FMN1: variants seen among roughly 807,000 people sequenced by gnomAD.
FMN1 encodes the protein formin-1.
In FMN1, 110 loss-of-function variants were observed where a neutral mutation model predicts 132.4. The observed-to-expected ratio is 0.83, with a 90% CI of 0.71 to 0.97. FMN1 has a LOEUF of 0.97. Among genes scored for constraint, FMN1 ranks in the 50% least tolerant of loss-of-function variants. The pLI is 0.00. For synonymous variants in FMN1, 722 were observed against 651.7 expected, an observed-to-expected ratio of 1.11 and a Z score of -1.64; for missense variants, 1,792 against 1,705.3, an observed-to-expected ratio of 1.05 and a Z score of -0.90.
intron 6 of FMN1, among the ~76,000 whole-genome samples, chr15:33,041,458 T>G: frequency 8.3e-6 from 1 of 121,130 alleles, no homozygotes; most frequent in Non-Finnish European, 1.7e-5. Flanking sequence ...TCTTTCGACG[T>G]TCCTCACCAG....
chr15:32,927,402 C>T (rs1482764224), intron 9 of FMN1, among the ~76,000 whole-genome samples: 1 of 152,062 alleles, frequency 6.6e-6, no homozygotes, highest in Non-Finnish European at 1.5e-5. Flanking sequence ...TAGGTGCAGG[C>T]CACCATGCTT....
At chr15:33,087,499 T>C (rs2038741314) in intron 5 of FMN1, among the ~76,000 whole-genome samples, 1 of 152,132 alleles carries the variant, frequency 6.6e-6, no homozygotes, top group Non-Finnish European at 1.5e-5. Context: ...TGAGCCAAGA[T>C]CGTGCCACTG....
intron 4 of FMN1, among the ~76,000 whole-genome samples, chr15:33,101,217 C>T (rs2039281271): frequency 6.6e-6 from 1 of 152,082 alleles, no homozygotes; most frequent in Admixed American, 6.6e-5. Context: ...CATGTCGAGC[C>T]AAATCTGGCA....
intron 4 of FMN1, among the ~76,000 whole-genome samples, chr15:33,144,697 G>A (rs1478945543): frequency 1.4e-5 from 2 of 146,214 alleles, no homozygotes; most frequent in Middle Eastern, 3.3e-3. Context: ...ATAAAATATC[G>A]ATAAAGATGC....
chr15:32,845,230 C>A (rs552288796), intron 17 of FMN1, among the ~76,000 whole-genome samples: 1 of 152,132 alleles, frequency 6.6e-6, no homozygotes, highest in Non-Finnish European at 1.5e-5. Flanking sequence ...CCAATAATTA[C>A]GTGAGGCAAT....
intron 6 of FMN1, among the ~76,000 whole-genome samples, chr15:33,033,899 T>C (rs2036067481): frequency 6.6e-6 from 1 of 152,172 alleles, no homozygotes; most frequent in African/African-American, 2.4e-5. Flanking sequence ...TGATACACTT[T>C]CCTCACGTAG....
In FMN1 at chr15:32,862,899, C is replaced by A. The variant is rs182988624; in HGVS notation, c.3836-5792G>T. ...TCCCTGTCTGGTTACCTAAGTCTTACCCCACCCTTCCACAGTCCTGCGCCA... is the reference window on the plus strand; with the variant it reads ...TCCCTGTCTGGTTACCTAAGTCTTAACCCACCCTTCCACAGTCCTGCGCCA... On this transcript the variant is annotated intron_variant, in intron 16 of 20. Coordinates refer to ENST00000616417, the MANE Select transcript of FMN1 (RefSeq NM_001277313.2). 1.1e-4 allele frequency among the ~76,000 whole-genome samples: 16 copies of A among 152,284 alleles called. No individual in the cohort carries two copies. In the East Asian group the frequency reaches 3.1e-3, roughly 29 times the overall value.
At chr15:32,839,474 G>A (rs1596054013) in intron 17 of FMN1, among the ~76,000 whole-genome samples, 1 of 151,978 alleles carries the variant, frequency 6.6e-6, no homozygotes, top group Non-Finnish European at 1.5e-5. Context: ...TGAGCACCAG[G>A]GACCTGAAGC....
chr15:33,018,164 C>A (rs1254372557), intron 6 of FMN1, among the ~76,000 whole-genome samples: 3 of 152,094 alleles, frequency 2.0e-5, no homozygotes, highest in African/African-American at 7.2e-5. Flanking sequence ...GTCATGAAGG[C>A]AGAGCCCTTG....
At chr15:32,898,938 C>T (rs1184875117) in intron 14 of FMN1, 45 bp from the exon 15 acceptor site, 2 of 1,297,234 alleles carry the variant, frequency 1.5e-6, no homozygotes, top group Non-Finnish European at 2.2e-6. Context: ...TCCCATGAGA[C>T]TGTCATGTTA....
chr15:33,078,985 G>C (rs777452831), intron 5 of FMN1, among the ~76,000 whole-genome samples: 2 of 151,998 alleles, frequency 1.3e-5, no homozygotes, highest in Non-Finnish European at 2.9e-5. Flanking sequence ...CATCCAAAGG[G>C]GGCCAAAAAC....
chr15:32,828,556 G>T (rs1200933308), intron 17 of FMN1, among the ~76,000 whole-genome samples: 2 of 150,578 alleles, frequency 1.3e-5, no homozygotes, highest in African/African-American at 4.9e-5. Flanking sequence ...ACTCTAGCTT[G>T]GCTGTAAGAG....
chr15:32,830,959 C>T (rs1223738123), intron 17 of FMN1, among the ~76,000 whole-genome samples: 1 of 152,076 alleles, frequency 6.6e-6, no homozygotes, highest in Non-Finnish European at 1.5e-5. Context: ...TCCAAACACC[C>T]CCCACCACTA....
At chr15:32,871,411 C>T (rs570897175) in intron 16 of FMN1, among the ~76,000 whole-genome samples, 32 of 152,226 alleles carry the variant, frequency 2.1e-4, no homozygotes, top group African/African-American at 5.1e-4. Context: ...ATATCATGCA[C>T]ACATTCTCCT....
At chr15:32,801,295 C>T (rs1294589634) in intron 18 of FMN1, among the ~76,000 whole-genome samples, 4 of 151,904 alleles carry the variant, frequency 2.6e-5, no homozygotes, top group Admixed American at 6.6e-5. Flanking sequence ...GCTTACTCTC[C>T]CTGAAAGGGG....
At chr15:32,922,307 TTAA>T (rs1235961782) in intron 10 of FMN1, among the ~76,000 whole-genome samples, 13 of 152,198 alleles carry the variant, frequency 8.5e-5, no homozygotes, top group Admixed American at 4.6e-4. Flanking sequence ...CCTATCTAGT[TTAA>T]GATTAAGTCT....
At chr15:33,008,931 A>G (rs1311445174) in intron 6 of FMN1, among the ~76,000 whole-genome samples, 1 of 152,214 alleles carries the variant, frequency 6.6e-6, no homozygotes, top group African/African-American at 2.4e-5. Context: ...AGCAAGAAGC[A>G]GTTTGACCTC....
intron 6 of FMN1, among the ~76,000 whole-genome samples, chr15:33,029,586 G>GGAA (rs775473788): frequency 1.3e-5 from 2 of 152,122 alleles, no homozygotes; most frequent in Non-Finnish European, 2.9e-5. Context: ...GACAAGGGTA[G>GGAA]GAAGAGCCAA....
intron 19 of FMN1, among the ~76,000 whole-genome samples, chr15:32,788,811 A>G (rs1314028313): frequency 2.6e-5 from 4 of 152,248 alleles, no homozygotes; most frequent in Non-Finnish European, 4.4e-5. Context: ...AATCCAAAGG[A>G]TCTCCACTTC....
Sources: gnomAD v4.1 joint callset for allele counts (sites outside exome capture counted in the v4.1 genomes callset) on GRCh38, gnomAD v4.1.1 for gene constraint, MANE v1.5 for transcripts, NCBI Gene and HGNC (gene_info 2026-07-23, HGNC 2026-07-21) for gene names.